Variants in EFR3B observed in about 807,000 individuals in gnomAD.
The protein encoded by EFR3B is protein EFR3 homolog B.
In EFR3B, 64 loss-of-function variants were observed where a neutral mutation model predicts 104.7. That is an observed-to-expected ratio of 0.61 (90% CI 0.50 to 0.75). The LOEUF (loss-of-function observed/expected upper bound fraction) is 0.75, where lower values mean the gene tolerates loss of function less well. Among genes scored for constraint, EFR3B ranks in the 30% least tolerant of loss-of-function variants. The pLI is 0.00. For missense variants in EFR3B, 750 were observed against 1,078.5 expected (o/e 0.70, Z 4.27); for synonymous variants, 385 against 417.9 (o/e 0.92, Z 0.96).
intron 1 of EFR3B, among the ~76,000 whole-genome samples, chr2:25,082,583 C>T (rs1157051417): frequency 6.6e-6 from 1 of 152,208 alleles, no homozygotes; most frequent in Non-Finnish European, 1.5e-5. Flanking sequence ...TAGACTTTGA[C>T]TTACTGACTT....
chr2:25,110,274 C>T (rs546769117), intron 4 of EFR3B, among the ~76,000 whole-genome samples: 1 of 152,300 alleles, frequency 6.6e-6, no homozygotes, highest in South Asian at 2.1e-4. Context: ...GCCTTCTCTA[C>T]CCTAATGCCC....
At chr2:25,097,418 A>T (rs1392109064) in intron 3 of EFR3B, among the ~76,000 whole-genome samples, 1 of 152,162 alleles carries the variant, frequency 6.6e-6, no homozygotes, top group Non-Finnish European at 1.5e-5. Flanking sequence ...ATTCTCATGC[A>T]GACAGGGTGA....
At position 25,121,811 on chromosome 2, in the gene EFR3B, A is replaced by G; in HGVS notation, c.485+17A>G. The G allele has an allele frequency of 6.4e-7, 1 of 1,551,790 alleles. No individual in the cohort carries two copies. The highest frequency in any genetic ancestry group is 1.2e-5 in the South Asian group (1 of 84,060). On this transcript the variant is annotated intron_variant, in intron 5 of 22. Transcript: ENST00000403714. ...CAAGACCAAGTGAGTAGGGGAAGGC[A>G]AGGGTAGTTGGTTCAGCTTACAGCA...
At chr2:25,116,427 C>T (rs1402742124) in intron 4 of EFR3B, among the ~76,000 whole-genome samples, 1 of 152,072 alleles carries the variant, frequency 6.6e-6, no homozygotes, top group South Asian at 2.1e-4. Flanking sequence ...AGTTTGAGAC[C>T]AGCCTGGTCA....
At chr2:25,091,473 A>G (rs760492754) in intron 2 of EFR3B, 72 bp downstream of exon 2, 32 of 1,386,426 alleles carry the variant, frequency 2.3e-5, no homozygotes, top group Non-Finnish European at 2.9e-5. Flanking sequence ...GCAGCTTGGA[A>G]GCCAGGCCTC....
intron 16 of EFR3B, 66 bp downstream of exon 16, chr2:25,139,256 C>T: frequency 6.6e-7 from 1 of 1,513,810 alleles, no homozygotes. Context: ...AACAGCTTTT[C>T]CTTAATTGCA....
At chr2:25,069,244 C>T (rs1668424478) in intron 1 of EFR3B, among the ~76,000 whole-genome samples, 2 of 152,244 alleles carry the variant, frequency 1.3e-5, no homozygotes, top group South Asian at 4.1e-4. Flanking sequence ...CAAAGGAGGC[C>T]AGGCCTTGGG....
At chr2:25,143,553 G>A (rs1314793795) in intron 17 of EFR3B, among the ~76,000 whole-genome samples, 182 bp from the exon 18 acceptor site, 2 of 151,894 alleles carry the variant, frequency 1.3e-5, no homozygotes, top group Admixed American at 6.6e-5. Context: ...CCAGCTACTC[G>A]GGAGGCTGAG....
chr2:25,125,658 C>T (rs1670141982), intron 5 of EFR3B, among the ~76,000 whole-genome samples: 1 of 152,112 alleles, frequency 6.6e-6, no homozygotes, highest in Non-Finnish European at 1.5e-5. Context: ...CAGTTAAAAC[C>T]AAAGTTAAGG....
chr2:25,106,010 A>G (rs1211565169), intron 4 of EFR3B, among the ~76,000 whole-genome samples: 1 of 152,244 alleles, frequency 6.6e-6, no homozygotes, highest in Admixed American at 6.5e-5. Flanking sequence ...TCCAGAGTGC[A>G]GCTTGGAAGG....
rs368307796 is a variant in EFR3B, at chr2:25,130,025, C to T, written c.686C>T (p.Ala229Val). 27 of 1,551,618 alleles carry T rather than the reference C, an allele frequency of 1.7e-5. No homozygotes were observed. Among genetic ancestry groups the T allele is most frequent in the Middle Eastern group, 1.7e-4 (1 of 6,010 alleles). Reference sequence around the variant, plus strand: ...CCTGAGAAGGAGAAAGAGAGCCCCGCGGAGCTGGCTGAGAGGTGTCTTCGG... The same window carrying T: ...CCTGAGAAGGAGAAAGAGAGCCCCGTGGAGCTGGCTGAGAGGTGTCTTCGG... ...QAPEKEKESP[A>V]ELAERCLREL... The change falls in exon 7 of 23, where the codon GCG becomes GTG. Residue 229 changes from alanine (A) to valine (V), a missense_variant. Ala to Val is a moderately conservative substitution (Grantham distance 64). Transcript: ENST00000403714. This position sits in a 1 kb window ranked among gnomAD's most constrained non-coding sequence, Gnocchi z 4.6.
In EFR3B at chr2:25,137,433, C is replaced by T; in HGVS notation, c.1653C>T (p.Ala551=). 6.4e-7 allele frequency: 1 copy of T among 1,551,744 alleles called. No individual in the cohort carries two copies. The highest frequency in any genetic ancestry group is 8.7e-7 in the Non-Finnish European group (1 of 1,147,000). ...KHYEALYGLL[A]LISIELANEE... is the part of the protein sequence containing the mutation. ...ACGAGGCGCTCTATGGCTTGCTGGC[C>T]CTCATCAGCATCGAGCTGGCTAACG... The change falls in exon 15 of 23, where the codon GCC becomes GCT. Residue 551 remains alanine (A), a synonymous_variant. Coordinates refer to ENST00000403714, the MANE Select transcript of EFR3B (RefSeq NM_014971.2). The surrounding 1 kb of genome is among the most constrained non-coding windows in gnomAD (Gnocchi z 4.7).
chr2:25,120,928 G>T (rs72807681), intron 4 of EFR3B, among the ~76,000 whole-genome samples: 40,738 of 151,856 alleles, frequency 0.27, 5,765 homozygotes, highest in East Asian at 0.45. Context: ...TTGAGATGGA[G>T]TCTCGCTCTA....
At chr2:25,082,424 G>T (rs1023158077) in intron 1 of EFR3B, among the ~76,000 whole-genome samples, 3 of 152,306 alleles carry the variant, frequency 2.0e-5, no homozygotes, top group Middle Eastern at 6.8e-3. Flanking sequence ...CCTGACCTCA[G>T]GAGCTACAGG....
At chr2:25,051,062 T>A (rs1325939754) in intron 1 of EFR3B, among the ~76,000 whole-genome samples, 1 of 152,204 alleles carries the variant, frequency 6.6e-6, no homozygotes, top group African/African-American at 2.4e-5. Context: ...CCTCCTGGTT[T>A]GCTCATGGAG....
At chr2:25,087,527 T>C (rs112570596) in intron 1 of EFR3B, among the ~76,000 whole-genome samples, 27 of 151,352 alleles carry the variant, frequency 1.8e-4, no homozygotes, top group African/African-American at 4.9e-4. Flanking sequence ...TTGCTGAGGC[T>C]GTAGTGCAAT....
At chr2:25,126,624 T>C (rs1430927403) in intron 5 of EFR3B, among the ~76,000 whole-genome samples, 1 of 151,998 alleles carries the variant, frequency 6.6e-6, no homozygotes, top group Non-Finnish European at 1.5e-5. Flanking sequence ...CCTCCCAAAG[T>C]GCTGGGATTA....
At chr2:25,057,682 T>A (rs758080644) in intron 1 of EFR3B, among the ~76,000 whole-genome samples, 5 of 151,386 alleles carry the variant, frequency 3.3e-5, no homozygotes, top group Non-Finnish European at 5.9e-5. Context: ...CTTGGGAGGC[T>A]GAGGCAGGAG....
Position 25,134,624 on chromosome 2 carries a change from G to A in EFR3B, c.1312-843G>A, listed in dbSNP as rs1325915452. Among the ~76,000 whole-genome samples the A allele has an allele frequency of 1.2e-3, 173 of 148,698 alleles. 2 individuals are homozygous for A. Among genetic ancestry groups the A allele is most frequent in the South Asian group, 2.1e-4 (1 of 4,660 alleles). ...ATCTAAACAGAACTCCCCCGACCCC[G>A]CCGCCACCTCACACCTTCCCTTCCC... On this transcript the variant is annotated intron_variant, in intron 12 of 22. Transcript: ENST00000403714.
Sources: gnomAD v4.1 joint callset for allele counts (sites outside exome capture counted in the v4.1 genomes callset) on GRCh38, gnomAD v4.1.1 for gene constraint, Gnocchi (gnomAD v3.1) non-coding constraint, MANE v1.5 for transcripts, NCBI Gene and HGNC (gene_info 2026-07-23, HGNC 2026-07-21) for gene names.